The following CCSER2 variants were observed in gnomAD, a reference collection of about 807,000 sequenced individuals.
The protein encoded by CCSER2 is serine-rich coiled-coil domain-containing protein 2.
CCSER2 carries 46 observed loss-of-function variants against 92.3 expected under a neutral mutation model. That is an observed-to-expected ratio of 0.50 (90% CI 0.39 to 0.64). The LOEUF (loss-of-function observed/expected upper bound fraction) is 0.64. CCSER2 is among the 30% of genes least tolerant of loss of function. The probability of loss-of-function intolerance (pLI) is 0.00; values close to 1 mark genes in which losing one functional copy is unlikely to be tolerated. For synonymous variants in CCSER2, 433 were observed against 431.4 expected (o/e 1.00, Z -0.04); for missense variants, 1,244 against 1,238.9 (o/e 1.00, Z -0.06).
At chr10:84,347,711 C>T (rs1844597705) in intron 1 of CCSER2, among the ~76,000 whole-genome samples, 2 of 149,470 alleles carry the variant, frequency 1.3e-5, no homozygotes, top group Non-Finnish European at 3.0e-5. Context: ...GGGGCGGCTG[C>T]TGGGCGGAGG....
At chr10:84,400,563 G>A (rs1163566022) in intron 3 of CCSER2, among the ~76,000 whole-genome samples, 5 of 152,098 alleles carry the variant, frequency 3.3e-5, no homozygotes, top group Non-Finnish European at 5.9e-5. Context: ...GTGAGGTAAT[G>A]ATCTGACTTC....
intron 1 of CCSER2, among the ~76,000 whole-genome samples, chr10:84,344,384 CTTTA>C (rs1189287778): frequency 2.0e-5 from 3 of 150,912 alleles, no homozygotes; most frequent in Non-Finnish European, 4.4e-5. Context: ...TTTGCTGTTG[CTTTA>C]TTTTTTTCTT....
At chr10:84,469,223 ACTTAGAAATGTGTCCTTCTAAATGTATT>A (rs1199135018) in intron 7 of CCSER2, among the ~76,000 whole-genome samples, 1 of 152,166 alleles carries the variant, frequency 6.6e-6, no homozygotes, top group Non-Finnish European at 1.5e-5. Context: ...TTGCTACATA[ACTTAGAAATGTGTCCTTCTAAATGTATT>A]CTTAGAAATG....
chr10:84,492,452 CT>C (rs1279108816), intron 9 of CCSER2, among the ~76,000 whole-genome samples: 1 of 152,038 alleles, frequency 6.6e-6, no homozygotes, highest in Non-Finnish European at 1.5e-5. Context: ...GATCTGATGT[CT>C]TTTATTTCCC....
intron 1 of CCSER2, among the ~76,000 whole-genome samples, chr10:84,330,913 G>A (rs991380589): frequency 1.3e-5 from 2 of 152,172 alleles, no homozygotes; most frequent in African/African-American, 4.8e-5. Flanking sequence ...GCAAAGTCAC[G>A]CAGGTAGAAA....
At chr10:84,332,436 A>ATATATATATATATTTTT (rs1401635246) in intron 1 of CCSER2, among the ~76,000 whole-genome samples, 1 of 55,212 alleles carries the variant, frequency 1.8e-5, no homozygotes, top group African/African-American at 1.1e-4. Context: ...ATATATATAT[A>ATATATATATATATTTTT]TTTTTTTTTT....
At chr10:84,472,870 C>A (rs1454716347) in intron 8 of CCSER2, among the ~76,000 whole-genome samples, 1 of 152,158 alleles carries the variant, frequency 6.6e-6, no homozygotes, top group African/African-American at 2.4e-5. Flanking sequence ...CTTCTAATAT[C>A]TAGTCCATAC....
chr10:84,443,794 A>G lies in CCSER2; in HGVS notation c.2064+5087A>G, dbSNP rs182483116. 2.6e-3 allele frequency among the ~76,000 whole-genome samples: 398 copies of G among 152,324 alleles called. 5 individuals carry two copies. Among genetic ancestry groups the G allele is most frequent in the Non-Finnish European group, 7.2e-4 (49 of 68,034 alleles). On this transcript the variant is annotated intron_variant, in intron 6 of 9. Transcript: ENST00000372088. ...AAAGAAAATGTGGCATATATACACC[A>G]TGGAATACTGTGCAGCCACAAAAAA...
In CCSER2 at chr10:84,508,485, A is replaced by G. The variant is rs142073551; in HGVS notation, c.2326-4964A>G. Among the ~76,000 whole-genome samples, 5 of 152,328 alleles carry G rather than the reference A, an allele frequency of 3.3e-5. No individual in the cohort carries two copies. In the East Asian group the frequency reaches 9.6e-4, roughly 29 times the overall value. On this transcript the variant is annotated intron_variant, in intron 9 of 9. Transcript: ENST00000372088. ...TTTTACCCAATATCTCACCTCAGTG[A>G]TAGATCTATAAGTGATAGAGCCAGG...
At chr10:84,416,358 G>A (rs534457302) in intron 3 of CCSER2, among the ~76,000 whole-genome samples, 11 of 152,016 alleles carry the variant, frequency 7.2e-5, no homozygotes, top group Non-Finnish European at 1.6e-4. Context: ...CGTGAGTGCC[G>A]CAGACTGTAA....
At chr10:84,424,223 C>T (rs778214948) in intron 4 of CCSER2, among the ~76,000 whole-genome samples, 2 of 151,124 alleles carry the variant, frequency 1.3e-5, no homozygotes, top group African/African-American at 2.4e-5. Context: ...CTACTTCTGA[C>T]ATTTTTGGAC....
intron 3 of CCSER2, among the ~76,000 whole-genome samples, chr10:84,405,641 T>C (rs923099318): frequency 3.3e-5 from 5 of 152,124 alleles, no homozygotes; most frequent in Non-Finnish European, 7.4e-5. Flanking sequence ...TAAAAAAATG[T>C]ATAAGAGACC....
intron 3 of CCSER2, among the ~76,000 whole-genome samples, chr10:84,376,977 A>T (rs1017847593): frequency 6.6e-6 from 1 of 152,102 alleles, no homozygotes; most frequent in Admixed American, 6.5e-5. Flanking sequence ...ATTAGGATAT[A>T]TCCTCTTCTG....
At chr10:84,417,507 T>C (rs891581522) in intron 3 of CCSER2, among the ~76,000 whole-genome samples, 4 of 152,330 alleles carry the variant, frequency 2.6e-5, no homozygotes, top group Non-Finnish European at 4.4e-5. Flanking sequence ...GTTAAAAACA[T>C]GGACTTAAAA....
At chr10:84,417,644 C>G in intron 3 of CCSER2, 127 bp from the exon 4 acceptor site, 1 of 466,438 alleles carries the variant, frequency 2.1e-6, no homozygotes, top group Non-Finnish European at 3.9e-6. Flanking sequence ...ACTTGAAAAC[C>G]TATTTTATTC....
At chr10:84,470,343 C>T (rs1846713644) in intron 7 of CCSER2, 29 bp from the exon 8 acceptor site, 2 of 1,160,850 alleles carry the variant, frequency 1.7e-6, no homozygotes, top group South Asian at 3.4e-5. Flanking sequence ...ATTTTAAATA[C>T]CTCATCTAAA....
intron 9 of CCSER2, among the ~76,000 whole-genome samples, chr10:84,483,958 TATA>T (rs1847623462): frequency 2.4e-4 from 1 of 4,254 alleles, no homozygotes; most frequent in African/African-American, 1.1e-3. Context: ...CTAATTTATA[TATA>T]TATATATATA....
chr10:84,350,582 C>T (rs1293237746), intron 1 of CCSER2, among the ~76,000 whole-genome samples: 1 of 152,220 alleles, frequency 6.6e-6, no homozygotes, highest in Non-Finnish European at 1.5e-5. Flanking sequence ...AGAGTCTGCA[C>T]TATCTCTGTC....
At chr10:84,394,866 ACTC>A (rs1461246870) in intron 3 of CCSER2, among the ~76,000 whole-genome samples, 1 of 152,032 alleles carries the variant, frequency 6.6e-6, no homozygotes, top group Non-Finnish European at 1.5e-5. Flanking sequence ...GATTACCTAA[ACTC>A]CTTCTTGATC....
Sources: allele counts gnomAD v4.1 joint callset (sites outside exome capture counted in the v4.1 genomes callset), GRCh38; gene constraint gnomAD v4.1.1; transcripts MANE v1.5; gene names NCBI Gene and HGNC (gene_info 2026-07-23, HGNC 2026-07-21).